MTOR: variants seen among roughly 807,000 people sequenced by gnomAD.
MTOR encodes mechanistic target of rapamycin kinase.
In MTOR, 70 loss-of-function variants were observed where a neutral mutation model predicts 319.8. The observed-to-expected ratio is 0.22, with a 90% CI of 0.18 to 0.27. The LOEUF is 0.27. MTOR is among the 10% of genes least tolerant of loss of function. MTOR has a pLI of 1.00. For missense variants in MTOR, 1,890 were observed against 3,274.4 expected, an observed-to-expected ratio of 0.58 and a Z score of 10.32; for synonymous variants, 1,183 against 1,211.4, an observed-to-expected ratio of 0.98 and a Z score of 0.49.
At chr1:11,231,505 A>G in intron 16 of MTOR, 71 bp from the exon 17 acceptor site, 1 of 1,542,370 alleles carries the variant, frequency 6.5e-7, no homozygotes, top group Non-Finnish European at 8.8e-7. Context: ...AACTCTTTGT[A>G]TAATGATTAT....
At chr1:11,126,564 G>A (rs2100395293) in intron 46 of MTOR, 58 bp downstream of exon 46, 2 of 1,547,296 alleles carry the variant, frequency 1.3e-6, no homozygotes, top group Non-Finnish European at 1.8e-6. Context: ...AAGAGGGAAG[G>A]GGTCTCAGCC....
intron 4 of MTOR, 128 bp from the exon 5 acceptor site, chr1:11,256,320 G>T: frequency 6.9e-7 from 1 of 1,451,344 alleles, no homozygotes; most frequent in Non-Finnish European, 9.1e-7. Flanking sequence ...CTTCTAGCTA[G>T]GAAATTCTGA....
intron 6 of MTOR, among the ~76,000 whole-genome samples, chr1:11,251,655 C>CTTTTTTTTTTTTTTTT (rs761523542): frequency 8.8e-6 from 1 of 113,718 alleles, no homozygotes; most frequent in African/African-American, 3.2e-5. Flanking sequence ...TAGATAGTTT[C>CTTTTTTTTTTTTTTTT]TTTTTTTTTT....
In MTOR at chr1:11,199,256, AC is replaced by A. The variant is rs1383507969; in HGVS notation, c.4253+1del. On this transcript the variant is annotated splice_donor_variant, in intron 28 of 57. Coordinates refer to ENST00000361445, the MANE Select transcript of MTOR (RefSeq NM_004958.4). LOFTEE classifies it high-confidence loss of function. The surrounding 1 kb of genome is among the most constrained non-coding windows in gnomAD (Gnocchi z 4.5). ...AGCAATTAAAAAGGGTTTATGGCCT[AC>A]CTGATGAGAGATTCTAGAATGGCAG... 6.2e-7 allele frequency: 1 copy of A among 1,614,086 alleles called. No homozygotes were observed. Among genetic ancestry groups the A allele is most frequent in the Non-Finnish European group, 8.5e-7 (1 of 1,180,040 alleles).
At position 11,209,321 on chromosome 1, in the gene MTOR, G is replaced by A. The variant is rs754269687; in HGVS notation, c.3792C>T (p.Asn1264=). Reference sequence around the variant, plus strand: ...GAAACAATGGACTTGCCTTTTGGAGGTTGATGGTGCTGACGTGCAGTTTCT... The same window carrying A: ...GAAACAATGGACTTGCCTTTTGGAGATTGATGGTGCTGACGTGCAGTTTCT... ...PMKKLHVSTI[N]LQKAWGAARR... is the part of the protein sequence containing the mutation. Residue 1264 remains asparagine, a synonymous_variant, in exon 25 of 58, where the codon AAC becomes AAT. Transcript: ENST00000361445. 4 of 1,614,180 alleles carry A rather than the reference G, an allele frequency of 2.5e-6. No homozygotes were observed. In the East Asian group the frequency reaches 8.9e-5, roughly 36 times the overall value.
chr1:11,254,101 C>G, intron 5 of MTOR, 128 bp from the exon 6 acceptor site: 1 of 1,025,774 alleles, frequency 9.7e-7, no homozygotes, highest in Non-Finnish European at 1.4e-6. Context: ...TGCCAGTCAT[C>G]AACAAAACTA....
At position 11,107,250 on chromosome 1, in the gene MTOR, CTA is replaced by C. The variant is rs1157524313; in HGVS notation, c.*233_*234del. ...GAATGGCTTGATTTACGTGGTATTA[CTA>C]TGTTTCACTGTCCTGGGAACCAAAT... On this transcript the variant is annotated 3_prime_UTR_variant, in exon 58 of 58. Coordinates refer to ENST00000361445, the MANE Select transcript of MTOR (RefSeq NM_004958.4). 6 of 1,429,518 alleles carry C rather than the reference CTA, an allele frequency of 4.2e-6. No individual in the cohort carries two copies. The highest frequency in any genetic ancestry group is 5.5e-6 in the Non-Finnish European group (6 of 1,086,148). 88.6% of individuals were successfully genotyped at this position (1,429,518 alleles called of 1,614,324 possible). A position where few individuals can be genotyped will look rare whatever the true frequency, so the allele number is the denominator to read the frequency against.
At chr1:11,218,366 G>A (rs1375937328) in intron 19 of MTOR, among the ~76,000 whole-genome samples, 1 of 151,760 alleles carries the variant, frequency 6.6e-6, no homozygotes, top group East Asian at 1.9e-4. Context: ...GAAGGCGGAG[G>A]TTGCAGTGAG....
chr1:11,153,630 G>C (rs993905309), intron 30 of MTOR, among the ~76,000 whole-genome samples: 4 of 152,186 alleles, frequency 2.6e-5, no homozygotes, highest in African/African-American at 9.7e-5. Context: ...CCTTAGATCA[G>C]TGTTGTCCAA....
intron 8 of MTOR, 36 bp downstream of exon 8, chr1:11,247,589 G>A (rs1372394626): frequency 3.6e-5 from 57 of 1,569,766 alleles, no homozygotes; most frequent in Non-Finnish European, 4.8e-5. Context: ...TGTTTACCCT[G>A]AGATGGGTAA....
chr1:11,202,940 T>C (rs1262682858), intron 26 of MTOR, among the ~76,000 whole-genome samples: 1 of 150,954 alleles, frequency 6.6e-6, no homozygotes, highest in Non-Finnish European at 1.5e-5. Flanking sequence ...AGGCGGGGCG[T>C]GGTGGCTCAC....
At chr1:11,148,298 A>G (rs533484802) in intron 31 of MTOR, among the ~76,000 whole-genome samples, 5 of 152,332 alleles carry the variant, frequency 3.3e-5, no homozygotes, top group Admixed American at 6.5e-5. Context: ...TTTCATTTAT[A>G]AGAGAGGAAA....
chr1:11,254,571 G>A (rs573130709), intron 5 of MTOR, among the ~76,000 whole-genome samples: 7 of 146,822 alleles, frequency 4.8e-5, no homozygotes, highest in South Asian at 2.3e-4. Context: ...ACTGGAACCC[G>A]CATCTCCCAA....
intron 28 of MTOR, chr1:11,189,387 C>T: frequency 1.5e-6 from 1 of 679,700 alleles, no homozygotes; most frequent in Non-Finnish European, 2.5e-6. Flanking sequence ...GCTACCCATT[C>T]AGCTCCCCTG....
rs56328160 is a variant in MTOR, at chr1:11,255,382, CAAAAAAAAA to C, written c.705+601_705+609del. ...TGGTGACAGAACAAGACTCCATCTCCAAAAAAAAAAAAAAAAAAAAAAAAAAAGAAAGAG... is the reference window on the plus strand; with the variant it reads ...TGGTGACAGAACAAGACTCCATCTCCAAAAAAAAAAAAAAAAAAGAAAGAG... On this transcript the variant is annotated intron_variant, in intron 5 of 57. Transcript: ENST00000361445. 1.1e-3 allele frequency among the ~76,000 whole-genome samples: 108 copies of C among 98,222 alleles called. 1 individual carries two copies. The highest frequency in any genetic ancestry group is 6.3e-3 in the African/African-American group (100 of 15,892). 64.4% of individuals were successfully genotyped at this position (98,222 alleles called of 152,430 possible).
At chr1:11,202,420 CA>C (rs35136193) in intron 26 of MTOR, among the ~76,000 whole-genome samples, 823 of 72,126 alleles carry the variant, frequency 0.011, 10 homozygotes, top group African/African-American at 0.048. Flanking sequence ...AACTCCGTCT[CA>C]AAAAAAAAAA....
At chr1:11,116,916 C>T in intron 50 of MTOR, 88 bp downstream of exon 50, 1 of 974,462 alleles carries the variant, frequency 1.0e-6, no homozygotes, top group Admixed American at 2.3e-5. Flanking sequence ...ACCAAAAAGC[C>T]ATATATTTAA....
chr1:11,175,898 T>C (rs1014908506), intron 28 of MTOR, among the ~76,000 whole-genome samples: 1 of 152,124 alleles, frequency 6.6e-6, no homozygotes, highest in African/African-American at 2.4e-5. Context: ...TGCGCGCCAC[T>C]ACTGCCCAGC....
chr1:11,139,801 CCTGCCTCAG>C, intron 34 of MTOR, 143 bp from the exon 35 acceptor site: 1 of 985,326 alleles, frequency 1.0e-6, no homozygotes, highest in African/African-American at 1.6e-5. Flanking sequence ...AAGCAATTCT[CCTGCCTCAG>C]CCTCCCGAGT....
Sources: allele counts gnomAD v4.1 joint callset (sites outside exome capture counted in the v4.1 genomes callset), GRCh38; gene constraint gnomAD v4.1.1; non-coding constraint Gnocchi (gnomAD v3.1); transcripts MANE v1.5; gene names NCBI Gene and HGNC (gene_info 2026-07-23, HGNC 2026-07-21).